The following SSH2 variants were observed in gnomAD, a reference collection of about 807,000 sequenced individuals.
The protein encoded by SSH2 is slingshot protein phosphatase 2.
SSH2 carries 37 observed loss-of-function variants against 135.2 expected under a neutral mutation model. That is an observed-to-expected ratio of 0.27 (90% CI 0.21 to 0.36). SSH2 has a LOEUF of 0.36. Among genes scored for constraint, SSH2 ranks in the 10% least tolerant of loss-of-function variants. The probability of loss-of-function intolerance (pLI) is 1.00; values close to 1 mark genes in which losing one functional copy is unlikely to be tolerated. For synonymous variants in SSH2, 628 were observed against 646.2 expected, an observed-to-expected ratio of 0.97 and a Z score of 0.43; for missense variants, 1,408 against 1,765.3, an observed-to-expected ratio of 0.80 and a Z score of 3.63.
chr17:29,650,555 G>T, intron 13 of SSH2, 99 bp downstream of exon 13: 2 of 1,169,708 alleles, frequency 1.7e-6, no homozygotes. Flanking sequence ...CCTTTTTCCT[G>T]AGTACCATCA....
intron 3 of SSH2, among the ~76,000 whole-genome samples, chr17:29,788,614 CCCTCCCTT>C (rs202187475): frequency 0.015 from 2,315 of 151,646 alleles, 32 homozygotes; most frequent in East Asian, 0.052. Flanking sequence ...CTCACTCTCT[CCCTCCCTT>C]CCTCCCTTCC....
Position 29,666,871 on chromosome 17 carries a change from A to T in SSH2, c.1028T>A (p.Phe343Tyr), listed in dbSNP as rs2037302305. The T allele has an allele frequency of 6.2e-7, 1 of 1,614,092 alleles. No homozygotes were observed. The highest frequency in any genetic ancestry group is 8.5e-7 in the Non-Finnish European group (1 of 1,179,982). Residue 343 changes from phenylalanine to tyrosine, a missense_variant, in exon 11 of 16, where the codon TTC (phenylalanine) becomes TAC (tyrosine). Around this residue, in one of 3 missense-constraint regions of SSH2, gnomAD observed 106 missense variants for 265.2 expected, o/e 0.40. Coordinates refer to ENST00000540801, the MANE Select transcript of SSH2 (RefSeq NM_001282129.2). ...DSPTQIFEHV[F>Y]LGSEWNASNL... is the part of the protein sequence containing the mutation. The stretch of plus-strand genomic sequence containing the variant: ...TAAAGTGGCTTTAAAACTTACCAGG[A>T]ACACATGCTCAAATATCTGTGTAGG...
intron 8 of SSH2, chr17:29,675,965 TATA>T (rs1225857571): frequency 6.6e-6 from 1 of 152,208 alleles, no homozygotes; most frequent in Non-Finnish European, 1.5e-5. Context: ...GATGATTAAA[TATA>T]ATCCATGCAA....
rs777625689 is a variant in SSH2, at chr17:29,636,781, T to C, written c.1449A>G (p.Leu483=). 7.5e-6 allele frequency: 12 copies of C among 1,609,778 alleles called. No individual in the cohort carries two copies. The highest frequency in any genetic ancestry group is 4.5e-5 in the East Asian group (2 of 44,792). ...GGTCACTATCTGAATGAGATCTCCA[T>C]AGTTTGTTATGCCGCTGTTTGCTGT... The part of the protein sequence containing the change: ...LLASKQRHNK[L]WRSHSDSDLS... Residue 483 remains leucine, a synonymous_variant, in exon 15 of 16, where the codon CTA becomes CTG. Transcript: ENST00000540801.
intron 3 of SSH2, among the ~76,000 whole-genome samples, chr17:29,734,958 TAA>T (rs1023990758): frequency 9.2e-5 from 14 of 151,820 alleles, no homozygotes; most frequent in African/African-American, 3.4e-4. Context: ...TCAAAGAGCT[TAA>T]AAAGAGTTTA....
intron 12 of SSH2, among the ~76,000 whole-genome samples, chr17:29,653,487 A>G (rs1277481296): frequency 6.6e-6 from 1 of 152,198 alleles, no homozygotes; most frequent in Non-Finnish European, 1.5e-5. Context: ...TTCTAAATTC[A>G]TATGTATATA....
At chr17:29,635,559 C>T (rs1007882070) in intron 15 of SSH2, among the ~76,000 whole-genome samples, 6 of 151,550 alleles carry the variant, frequency 4.0e-5, no homozygotes, top group African/African-American at 1.5e-4. Context: ...CGCCGCCCGC[C>T]ACCACACCTG....
In SSH2 at chr17:29,636,372, T is replaced by C. The variant is rs2150970689; in HGVS notation, c.1858A>G (p.Thr620Ala). 6.2e-7 allele frequency: 1 copy of C among 1,614,190 alleles called. No individual in the cohort carries two copies. Among genetic ancestry groups the C allele is most frequent in the East Asian group, 2.2e-5 (1 of 44,888 alleles). The change falls in exon 15 of 16, where the codon ACA becomes GCA. Residue 620 changes from threonine (T) to alanine (A), a missense_variant. Physicochemically the swap from Thr to Ala is moderately conservative, Grantham distance 58. Coordinates refer to ENST00000540801, the MANE Select transcript of SSH2 (RefSeq NM_001282129.2). ...PEMANKFPDL[T>A]VEDLETDALK... ...GCATCTGTCTCCAAATCTTCCACTG[T>C]TAAGTCTGGAAACTTGTTGGCCATT...
At chr17:29,685,720 C>T (rs1373571005) in intron 5 of SSH2, among the ~76,000 whole-genome samples, 2 of 147,494 alleles carry the variant, frequency 1.4e-5, no homozygotes, top group East Asian at 2.0e-4. Flanking sequence ...ACCCAGGAGG[C>T]GGAGGTTGCA....
chr17:29,717,118 G>T (rs1289645567), intron 3 of SSH2, among the ~76,000 whole-genome samples: 1 of 152,016 alleles, frequency 6.6e-6, no homozygotes, highest in African/African-American at 2.4e-5. Context: ...GACCTTCAAA[G>T]TGCTTTGAAA....
At chr17:29,688,568 A>C (rs896077162) in intron 5 of SSH2, among the ~76,000 whole-genome samples, 3 of 151,622 alleles carry the variant, frequency 2.0e-5, no homozygotes, top group African/African-American at 7.3e-5. Flanking sequence ...GGGGTCCAGC[A>C]ATCTTCCCAC....
chr17:29,701,077 TCTCCTGACTCAGC>T (rs1309229012), intron 4 of SSH2, among the ~76,000 whole-genome samples: 1 of 151,920 alleles, frequency 6.6e-6, no homozygotes, highest in Non-Finnish European at 1.5e-5. Context: ...TTCACACCAT[TCTCCTGACTCAGC>T]CTCCTGAATA....
chr17:29,655,671 G>A (rs1567848616), intron 11 of SSH2, 64 bp from the exon 12 acceptor site: 1 of 1,464,182 alleles, frequency 6.8e-7, no homozygotes, highest in Admixed American at 1.7e-5. Context: ...ACTTGAAAAG[G>A]AGCGAGAGAA....
chr17:29,860,118 G>A (rs1164434883), intron 1 of SSH2, among the ~76,000 whole-genome samples: 2 of 152,112 alleles, frequency 1.3e-5, no homozygotes, highest in East Asian at 3.9e-4. Context: ...AAAGTGCTGG[G>A]ATTATAGGCG....
At chr17:29,655,686 A>T (rs183358178) in intron 11 of SSH2, 79 bp from the exon 12 acceptor site, 19 of 1,336,946 alleles carry the variant, frequency 1.4e-5, no homozygotes, top group Non-Finnish European at 2.0e-5. Flanking sequence ...AGAGAAGAAG[A>T]ACTTTCAAAA....
chr17:29,843,672 T>A (rs1029593177), intron 2 of SSH2, among the ~76,000 whole-genome samples: 2 of 152,136 alleles, frequency 1.3e-5, no homozygotes, highest in African/African-American at 4.8e-5. Context: ...ACTTAAAACA[T>A]ACAAGAACAG....
Position 29,627,688 on chromosome 17 carries a change from G to C in SSH2, c.*3153C>G, listed in dbSNP as rs1051435875. ...AAAGGCAACTAAAATGAGGAGAGAT[G>C]AATATTACGGTACTATAGTACTACA... On this transcript the variant is annotated 3_prime_UTR_variant, in exon 16 of 16. Transcript: ENST00000540801. 6 of 152,586 alleles carry C rather than the reference G, an allele frequency of 3.9e-5. No individual in the cohort carries two copies. The highest frequency in any genetic ancestry group is 1.4e-4 in the African/African-American group (6 of 41,424). The allele number at this position is 152,586 out of a possible 1,614,324, so 9.5% of individuals were successfully genotyped here.
chr17:29,717,708 A>C (rs901209463), intron 3 of SSH2, among the ~76,000 whole-genome samples: 2 of 152,232 alleles, frequency 1.3e-5, no homozygotes, highest in Admixed American at 1.3e-4. Context: ...TAGGGGAGGC[A>C]GCCATGCAGC....
chr17:29,860,974 A>G (rs1404383247), intron 1 of SSH2, among the ~76,000 whole-genome samples: 1 of 151,992 alleles, frequency 6.6e-6, no homozygotes, highest in Non-Finnish European at 1.5e-5. Flanking sequence ...TGAACTCCTG[A>G]CCTCAAGTGA....
Sources: gnomAD v4.1 joint callset for allele counts (sites outside exome capture counted in the v4.1 genomes callset) on GRCh38, gnomAD v4.1.1 for gene constraint, gnomAD v4.1.1 regional missense constraint, MANE v1.5 for transcripts, NCBI Gene and HGNC (gene_info 2026-07-23, HGNC 2026-07-21) for gene names.